The following VGLL4 variants were observed in gnomAD, a reference collection of about 807,000 sequenced individuals.
VGLL4 encodes the protein transcription cofactor vestigial-like protein 4.
VGLL4 carries 7 observed loss-of-function variants against 21.0 expected under a neutral mutation model. The observed-to-expected ratio is 0.33, with a 90% CI of 0.19 to 0.63. The LOEUF is 0.63. Ranked by LOEUF, VGLL4 falls within the 20% of genes least tolerant of loss-of-function variation. The pLI, the probability that VGLL4 is intolerant of heterozygous loss-of-function variation, is 0.78. For missense variants in VGLL4, 394 were observed against 425.7 expected (o/e 0.93, Z 0.66); for synonymous variants, 222 against 173.2 (o/e 1.28, Z -2.21).
chr3:11,640,243 G>C (rs1231390530), intron 1 of VGLL4, among the ~76,000 whole-genome samples: 1 of 152,150 alleles, frequency 6.6e-6, no homozygotes, highest in Non-Finnish European at 1.5e-5. Flanking sequence ...CCCTGTGCTA[G>C]GATTCAGGGA....
intron 2 of VGLL4, among the ~76,000 whole-genome samples, chr3:11,589,942 G>T (rs1343022148): frequency 6.6e-6 from 1 of 152,162 alleles, no homozygotes; most frequent in Non-Finnish European, 1.5e-5. Context: ...TTCCACACGA[G>T]AATTTTGAGG....
intron 1 of VGLL4, among the ~76,000 whole-genome samples, chr3:11,608,321 G>A (rs1203173522): frequency 2.0e-5 from 3 of 151,960 alleles, no homozygotes; most frequent in African/African-American, 7.3e-5. Flanking sequence ...CTAGGCACAC[G>A]TTAGAAAAAT....
At position 11,558,475 on chromosome 3, in the gene VGLL4, ATTT is replaced by A. The variant is rs369629845; in HGVS notation, c.*78_*80del. 101 of 789,864 alleles carry A rather than the reference ATTT, an allele frequency of 1.3e-4. No individual in the cohort carries two copies. The African/African-American group carries it at 1.7e-3, about 13-fold the overall frequency. 48.9% of individuals were successfully genotyped at this position (789,864 alleles called of 1,614,324 possible). The stretch of plus-strand genomic sequence containing the variant: ...CCCTTCCCCCCACCCCACCCCCATG[ATTT>A]TTTTTTTTTTAAGTACTGACTGTTC... On this transcript the variant is annotated 3_prime_UTR_variant, in exon 5 of 5. Transcript: ENST00000430365.
chr3:11,649,116 C>G (rs1272696188), intron 2 of VGLL4, among the ~76,000 whole-genome samples: 3 of 152,126 alleles, frequency 2.0e-5, no homozygotes, highest in Non-Finnish European at 2.9e-5. Context: ...ACCTAAAGTC[C>G]AAATAAAAGG....
At chr3:11,679,576 G>C (rs1278206101) in intron 2 of VGLL4, among the ~76,000 whole-genome samples, 2 of 152,000 alleles carry the variant, frequency 1.3e-5, no homozygotes, top group South Asian at 2.1e-4. Context: ...CCTGCTACTC[G>C]GGAGGCTGAG....
At chr3:11,642,719 C>A (rs539824909) in intron 1 of VGLL4, among the ~76,000 whole-genome samples, 1 of 152,194 alleles carries the variant, frequency 6.6e-6, no homozygotes, top group Non-Finnish European at 1.5e-5. Flanking sequence ...GGAAGCACCT[C>A]GCGGGCAGTA....
chr3:11,690,847 A>G (rs2076517035), intron 2 of VGLL4, among the ~76,000 whole-genome samples: 1 of 152,172 alleles, frequency 6.6e-6, no homozygotes, highest in South Asian at 2.1e-4. Flanking sequence ...GATTTCTATA[A>G]AAGTATAAAC....
At chr3:11,656,626 G>A (rs1452095952) in intron 2 of VGLL4, among the ~76,000 whole-genome samples, 2 of 152,186 alleles carry the variant, frequency 1.3e-5, no homozygotes, top group Non-Finnish European at 2.9e-5. Context: ...ACAGTGTGTG[G>A]TGTCGCATTC....
chr3:11,701,194 C>T (rs961404794), intron 2 of VGLL4, among the ~76,000 whole-genome samples: 36 of 152,192 alleles, frequency 2.4e-4, no homozygotes, highest in African/African-American at 7.5e-4. Context: ...ATGAATGGCA[C>T]GGTGATGAGT....
At chr3:11,581,170 G>A (rs2074214937) in intron 2 of VGLL4, among the ~76,000 whole-genome samples, 1 of 151,478 alleles carries the variant, frequency 6.6e-6, no homozygotes, top group Non-Finnish European at 1.5e-5. Context: ...GGGTTCAAGT[G>A]ATTCTCCTGC....
At chr3:11,646,738 G>A (rs1194639368), upstream of VGLL4, among the ~76,000 whole-genome samples, 1 of 152,042 alleles carries the variant, frequency 6.6e-6, no homozygotes, top group Non-Finnish European at 1.5e-5. Context: ...CTCAGCCTCC[G>A]GGTGGCAACC....
At chr3:11,644,665 G>C (rs948165576), upstream of VGLL4, among the ~76,000 whole-genome samples, 6 of 152,062 alleles carry the variant, frequency 3.9e-5, no homozygotes, top group African/African-American at 1.4e-4. Flanking sequence ...GGCCAGCATG[G>C]TGAAACCCCA....
At chr3:11,711,663 G>A (rs549789088) in intron 1 of VGLL4, among the ~76,000 whole-genome samples, 2 of 152,228 alleles carry the variant, frequency 1.3e-5, no homozygotes, top group African/African-American at 2.4e-5. Flanking sequence ...GCTGCAATGA[G>A]CTGAGATCAC....
At chr3:11,664,839 T>C (rs2076092971) in intron 2 of VGLL4, among the ~76,000 whole-genome samples, 2 of 152,130 alleles carry the variant, frequency 1.3e-5, no homozygotes, top group South Asian at 4.1e-4. Flanking sequence ...CCTTAATATG[T>C]ATGACAAAGA....
At position 11,602,010 on chromosome 3, in the gene VGLL4, A is replaced by C. The variant is rs754841204; in HGVS notation, c.95T>G (p.Leu32Arg). 6.4e-7 allele frequency: 1 copy of C among 1,570,162 alleles called. No homozygotes were observed. Among genetic ancestry groups the C allele is most frequent in the Non-Finnish European group, 8.6e-7 (1 of 1,163,104 alleles). Residue 32 changes from leucine (L) to arginine (R), a missense_variant, in exon 2 of 5, where the codon CTC becomes CGC. By Grantham distance (102) the Leu-to-Arg change is moderately radical. Coordinates refer to ENST00000430365, the MANE Select transcript of VGLL4 (RefSeq NM_001128219.3). ...GGTCTGTATTCTGGGTTCTCCCCTG[A>C]GAGCAGCTTCGCCTACGCAGAGAGA... ...GILCYEGEAA[L>R]RGEPRIQTLP...
chr3:11,631,137 G>T (rs1232471247), intron 1 of VGLL4, among the ~76,000 whole-genome samples: 2 of 152,128 alleles, frequency 1.3e-5, no homozygotes, highest in Non-Finnish European at 2.9e-5. Flanking sequence ...TACTTTATAC[G>T]ACGTTCAAGA....
At chr3:11,594,604 G>A (rs1017463013) in intron 2 of VGLL4, among the ~76,000 whole-genome samples, 5 of 152,138 alleles carry the variant, frequency 3.3e-5, no homozygotes, top group South Asian at 2.1e-4. Context: ...TCTCACAACC[G>A]ATATGAATTT....
chr3:11,619,293 G>A (rs2125297756), intron 1 of VGLL4, among the ~76,000 whole-genome samples: 1 of 152,284 alleles, frequency 6.6e-6, no homozygotes, highest in South Asian at 2.1e-4. Context: ...TACCAATCAC[G>A]AAAAATAGAA....
intron 3 of VGLL4, among the ~76,000 whole-genome samples, chr3:11,564,469 G>A (rs973528083): frequency 2.0e-5 from 3 of 152,024 alleles, no homozygotes; most frequent in African/African-American, 7.2e-5. Flanking sequence ...GAAGACTGCT[G>A]GAGGAAACAC....
Sources: gnomAD v4.1 joint callset for allele counts (sites outside exome capture counted in the v4.1 genomes callset) on GRCh38, gnomAD v4.1.1 for gene constraint, MANE v1.5 for transcripts, NCBI Gene and HGNC (gene_info 2026-07-23, HGNC 2026-07-21) for gene names.